The following CFAP299 variants were observed in gnomAD, a reference collection of about 807,000 sequenced individuals.
The protein encoded by CFAP299 is cilia- and flagella-associated protein 299.
In CFAP299, 21 loss-of-function variants were observed where a neutral mutation model predicts 27.0. The observed-to-expected ratio is 0.78, with a 90% CI of 0.55 to 1.12. CFAP299 has a LOEUF of 1.12. Among genes scored for constraint, CFAP299 ranks in the 50% most tolerant of loss-of-function variants. The pLI is 0.00. For synonymous variants in CFAP299, 104 were observed against 98.1 expected, an observed-to-expected ratio of 1.06 and a Z score of -0.36; for missense variants, 310 against 276.6, an observed-to-expected ratio of 1.12 and a Z score of -0.86.
chr4:80,938,069 A>C (rs1737003577), intron 4 of CFAP299, among the ~76,000 whole-genome samples: 2 of 152,186 alleles, frequency 1.3e-5, no homozygotes. Context: ...ACACCTGTTT[A>C]TGATATATAT....
At chr4:80,351,460 T>G (rs1410654063) in intron 1 of CFAP299, among the ~76,000 whole-genome samples, 1 of 151,972 alleles carries the variant, frequency 6.6e-6, no homozygotes, top group Non-Finnish European at 1.5e-5. Flanking sequence ...ACAGAGTACC[T>G]GCTGAAAAAT....
chr4:80,522,685 A>T (rs933470261), intron 2 of CFAP299, among the ~76,000 whole-genome samples: 5 of 152,034 alleles, frequency 3.3e-5, no homozygotes, highest in African/African-American at 1.2e-4. Context: ...TATGATGTAA[A>T]ATAGGGTCTA....
At chr4:80,617,607 T>A (rs1170213535) in intron 3 of CFAP299, among the ~76,000 whole-genome samples, 18 of 151,986 alleles carry the variant, frequency 1.2e-4, no homozygotes, top group Admixed American at 1.2e-3. Flanking sequence ...AGAAAAAAAA[T>A]TACTTCAAAT....
At chr4:80,731,598 A>ACCTCTTCC (rs1237882094) in intron 3 of CFAP299, among the ~76,000 whole-genome samples, 1 of 152,014 alleles carries the variant, frequency 6.6e-6, no homozygotes, top group Non-Finnish European at 1.5e-5. Context: ...CCATCTGCTC[A>ACCTCTTCC]CCTCTTCCCC....
rs146087797 is a variant in CFAP299 at position 80,759,252 on chromosome 4, T to C, written c.334-110741T>C. 3.3e-5 allele frequency among the ~76,000 whole-genome samples: 5 copies of C among 152,256 alleles called. No homozygotes were observed. In the East Asian group the frequency reaches 9.6e-4, roughly 29 times the overall value. On this transcript the variant is annotated intron_variant, in intron 3 of 5. Transcript: ENST00000358105. ...AGATGATGCAAAGCTGACCAATATA[T>C]AGACCTGGTCTTCAAGGCAATCATG...
intron 3 of CFAP299, among the ~76,000 whole-genome samples, chr4:80,633,066 T>C (rs1739290930): frequency 6.6e-6 from 1 of 152,368 alleles, no homozygotes; most frequent in South Asian, 2.1e-4. Context: ...CTTTTAAAAA[T>C]TAAATTTCTA....
chr4:80,860,427 C>A (rs921808846), intron 3 of CFAP299, among the ~76,000 whole-genome samples: 2 of 152,226 alleles, frequency 1.3e-5, no homozygotes, highest in Non-Finnish European at 2.9e-5. Flanking sequence ...CATTCTCTGT[C>A]CAGCTTTGTT....
chr4:80,587,780 C>G (rs1055232921), intron 3 of CFAP299, among the ~76,000 whole-genome samples: 1 of 152,080 alleles, frequency 6.6e-6, no homozygotes, highest in Non-Finnish European at 1.5e-5. Context: ...TTTGTAGGGA[C>G]AGGGTTTCCC....
At position 80,388,018 on chromosome 4, in the gene CFAP299, T is replaced by G. The variant is rs370641842; in HGVS notation, c.242+25134T>G. The G allele has an allele frequency of 1.3e-4, 90 of 699,186 alleles. No homozygotes were observed. The East Asian group carries it at 1.8e-3, about 14-fold the overall frequency. The allele number at this position is 699,186 out of a possible 1,614,324, so 43.3% of individuals were successfully genotyped here. The stretch of plus-strand genomic sequence containing the variant: ...CACACTGGTTTGGCACCTCCAGGGG[T>G]GGGTAGGGCTGCATCACCAGTGCCT... On this transcript the variant is annotated intron_variant, in intron 2 of 5. Transcript: ENST00000358105.
intron 2 of CFAP299, among the ~76,000 whole-genome samples, chr4:80,420,812 C>T (rs1056833727): frequency 2.6e-5 from 4 of 152,170 alleles, no homozygotes; most frequent in African/African-American, 4.8e-5. Context: ...TTTCGCTACT[C>T]TCTAGCTCCA....
intron 3 of CFAP299, among the ~76,000 whole-genome samples, chr4:80,811,133 A>T (rs1394726048): frequency 1.3e-5 from 2 of 152,144 alleles, no homozygotes; most frequent in Admixed American, 1.3e-4. Context: ...TAATTAATTT[A>T]AATCACAACA....
chr4:80,897,029 G>T (rs1414174367), intron 4 of CFAP299, among the ~76,000 whole-genome samples: 1 of 152,094 alleles, frequency 6.6e-6, no homozygotes, highest in African/African-American at 2.4e-5. Flanking sequence ...AAAAGTGAAG[G>T]GCACGGCATT....
At chr4:80,833,054 A>G (rs979229114) in intron 3 of CFAP299, among the ~76,000 whole-genome samples, 1 of 152,044 alleles carries the variant, frequency 6.6e-6, no homozygotes, top group African/African-American at 2.4e-5. Context: ...ACGTTTTGTG[A>G]TTTTATAGTA....
intron 2 of CFAP299, among the ~76,000 whole-genome samples, chr4:80,390,720 C>CATATATGTATATATGTATATATGT (rs1208322596): frequency 0.093 from 12,832 of 137,280 alleles, 1,507 homozygotes; most frequent in East Asian, 0.15. Flanking sequence ...TGTATACACA[C>CATATATGTATATATGTATATATGT]ATACATGTAT....
chr4:80,536,129 T>C (rs1733728030), intron 2 of CFAP299, among the ~76,000 whole-genome samples: 1 of 152,156 alleles, frequency 6.6e-6, no homozygotes, highest in Non-Finnish European at 1.5e-5. Context: ...AAGCAGTGGG[T>C]GGTAGTTATA....
chr4:80,627,842 C>T (rs1356716585), intron 3 of CFAP299, among the ~76,000 whole-genome samples: 1 of 151,912 alleles, frequency 6.6e-6, no homozygotes, highest in African/African-American at 2.4e-5. Flanking sequence ...AGAAGACACA[C>T]ATAAATGGAA....
chr4:80,877,816 A>G (rs974116054), intron 4 of CFAP299, among the ~76,000 whole-genome samples: 3 of 152,166 alleles, frequency 2.0e-5, no homozygotes, highest in Admixed American at 1.3e-4. Flanking sequence ...GAATAGTACA[A>G]TGAAGGCTAA....
intron 2 of CFAP299, among the ~76,000 whole-genome samples, chr4:80,456,362 T>G (rs769967522): frequency 3.3e-5 from 5 of 151,988 alleles, no homozygotes; most frequent in Non-Finnish European, 4.4e-5. Context: ...ATAATAAGAA[T>G]AGTTTGTAGT....
the CFAP299 span, among the ~76,000 whole-genome samples, chr4:80,323,453 A>G: frequency 3.9e-5 from 6 of 152,244 alleles, no homozygotes; most frequent in African/African-American, 1.4e-4. Flanking sequence ...TCTAAAAACT[A>G]GACACACACT....
Sources: gnomAD v4.1 joint callset for allele counts (sites outside exome capture counted in the v4.1 genomes callset) on GRCh38, gnomAD v4.1.1 for gene constraint, MANE v1.5 for transcripts, NCBI Gene and HGNC (gene_info 2026-07-23, HGNC 2026-07-21) for gene names.